The following ERICH6 variants were observed in gnomAD, a reference collection of about 807,000 sequenced individuals.
The protein encoded by ERICH6 is glutamate-rich protein 6.
ERICH6 carries 71 observed loss-of-function variants against 71.0 expected under a neutral mutation model. The ratio of observed to expected loss-of-function variants is 1.00; its 90% confidence interval spans 0.83 to 1.22. The LOEUF (loss-of-function observed/expected upper bound fraction) is 1.22. Ranked by LOEUF, ERICH6 falls within the 50% of genes most tolerant of loss-of-function variation. The pLI, the probability that ERICH6 is intolerant of heterozygous loss-of-function variation, is 0.00. For synonymous variants in ERICH6, 262 were observed against 278.4 expected, an observed-to-expected ratio of 0.94 and a Z score of 0.59; for missense variants, 808 against 797.2, an observed-to-expected ratio of 1.01 and a Z score of -0.16.
chr3:150,682,195 A>C, intron 7 of ERICH6, 23 bp downstream of exon 7: 1 of 1,567,686 alleles, frequency 6.4e-7, no homozygotes, highest in Non-Finnish European at 8.8e-7. Flanking sequence ...CTATTTCCAC[A>C]GTAAACCTGA....
chr3:150,680,701 G>A (rs1711874649), intron 8 of ERICH6, 72 bp downstream of exon 8: 2 of 1,556,248 alleles, frequency 1.3e-6, no homozygotes, highest in African/African-American at 1.4e-5. Flanking sequence ...TTGAAAAAAT[G>A]AGGTTCATTT....
chr3:150,676,346 C>A (rs988666673), intron 10 of ERICH6, among the ~76,000 whole-genome samples: 2 of 151,660 alleles, frequency 1.3e-5, no homozygotes, highest in Non-Finnish European at 2.9e-5. Flanking sequence ...TTATAGTTTT[C>A]TGTTCCCTTC....
chr3:150,662,800 G>A (rs893925964), intron 13 of ERICH6, among the ~76,000 whole-genome samples: 1 of 152,160 alleles, frequency 6.6e-6, no homozygotes, highest in Non-Finnish European at 1.5e-5. Flanking sequence ...GGTTTTGATG[G>A]GTTGCTCAGA....
At chr3:150,692,803 GT>G (rs1712504701) in intron 3 of ERICH6, among the ~76,000 whole-genome samples, 1 of 152,022 alleles carries the variant, frequency 6.6e-6, no homozygotes, top group Non-Finnish European at 1.5e-5. Context: ...TTGTTATCTT[GT>G]TTTGGTGCAC....
intron 12 of ERICH6, among the ~76,000 whole-genome samples, chr3:150,669,045 A>G (rs1167280683): frequency 6.6e-6 from 1 of 152,192 alleles, no homozygotes. Flanking sequence ...TTGTAATTAT[A>G]TAGTTCATAT....
At position 150,703,803 on chromosome 3, in the gene ERICH6, T is replaced by TTCCTCCTCCTCCTCC; in HGVS notation, c.81_95dup (p.Glu29_Glu33dup). The TTCCTCCTCCTCCTCC allele has an allele frequency of 6.3e-7, 1 of 1,594,514 alleles. No homozygotes were observed. The highest frequency in any genetic ancestry group is 2.3e-5 in the East Asian group (1 of 44,250). On this transcript the variant is annotated inframe_insertion, in exon 1 of 14. Coordinates refer to ENST00000295910, the MANE Select transcript of ERICH6 (RefSeq NM_152394.5). ...CCTCTTCCTCCTCCTCCTCCACCTC[T>TTCCTCCTCCTCCTCC]TCCTCCTCCTCCTCCTCCTCTAACT...
rs1207237105 is a variant in ERICH6, at chr3:150,703,907, G to A, written c.-9C>T. ...GAGCGCAAGTGGGCCATGGCTGGCG[G>A]GAGGCGGGATTACAGCCAGCTCTTT... On this transcript the variant is annotated 5_prime_UTR_variant, in exon 1 of 14. Transcript: ENST00000295910. 6.2e-7 allele frequency: 1 copy of A among 1,612,910 alleles called. No homozygotes were observed. The highest frequency in any genetic ancestry group is 1.1e-5 in the South Asian group (1 of 90,892).
At chr3:150,663,293 A>G (rs1290212440) in intron 13 of ERICH6, among the ~76,000 whole-genome samples, 1 of 152,188 alleles carries the variant, frequency 6.6e-6, no homozygotes, top group East Asian at 1.9e-4. Flanking sequence ...TTTTGGAGGT[A>G]GAGTTTACAG....
chr3:150,686,183 C>T (rs1306905823), intron 4 of ERICH6, 115 bp downstream of exon 4: 1 of 1,312,156 alleles, frequency 7.6e-7, no homozygotes, highest in African/African-American at 1.5e-5. Context: ...CTTCTCACAC[C>T]TGTTCTTAGG....
At chr3:150,685,379 T>C (rs1204900539) in intron 6 of ERICH6, among the ~76,000 whole-genome samples, 1 of 152,068 alleles carries the variant, frequency 6.6e-6, no homozygotes, top group Non-Finnish European at 1.5e-5. Flanking sequence ...GAGGCAGAGA[T>C]TGGAGTGATG....
chr3:150,695,436 G>C (rs1209230539), intron 3 of ERICH6, among the ~76,000 whole-genome samples: 2 of 151,986 alleles, frequency 1.3e-5, no homozygotes, highest in Non-Finnish European at 2.9e-5. Flanking sequence ...CAGATCATGA[G>C]GTCAGGAAAG....
intron 10 of ERICH6, among the ~76,000 whole-genome samples, chr3:150,677,521 G>A (rs1258514781): frequency 1.3e-5 from 2 of 151,060 alleles, no homozygotes; most frequent in African/African-American, 4.9e-5. Flanking sequence ...TTTTGAGACA[G>A]AGTTTTGCTC....
At chr3:150,676,272 A>G (rs1018165861) in intron 10 of ERICH6, among the ~76,000 whole-genome samples, 3 of 151,852 alleles carry the variant, frequency 2.0e-5, no homozygotes, top group Admixed American at 1.3e-4. Context: ...TTTTCATTTC[A>G]GCTGTTGCAG....
intron 3 of ERICH6, among the ~76,000 whole-genome samples, chr3:150,691,621 G>A (rs1290710069): frequency 6.6e-6 from 1 of 152,084 alleles, no homozygotes; most frequent in East Asian, 1.9e-4. Context: ...AATGGTCTGT[G>A]TAAGTCACAA....
intron 3 of ERICH6, among the ~76,000 whole-genome samples, chr3:150,697,962 G>A (rs775484767): frequency 6.6e-6 from 1 of 152,002 alleles, no homozygotes; most frequent in Non-Finnish European, 1.5e-5. Flanking sequence ...CCCTTGCCTG[G>A]AACACCTTTC....
chr3:150,700,572 TTTATTA>T (rs567152722), intron 2 of ERICH6, among the ~76,000 whole-genome samples: 1 of 151,582 alleles, frequency 6.6e-6, no homozygotes, highest in Admixed American at 6.6e-5. Context: ...AAAAGTTTAT[TTTATTA>T]TTATTATTTT....
rs899602816 is a variant in ERICH6 at position 150,682,771 on chromosome 3, T to C, written c.784-455A>G. ...TGCCAAGTAAGAAAAAGCCTTGACA[T>C]TACTGTGTAGGCCAACATGTACAAT... On this transcript the variant is annotated intron_variant, in intron 6 of 13. Coordinates refer to ENST00000295910, the MANE Select transcript of ERICH6 (RefSeq NM_152394.5). 2.0e-5 allele frequency among the ~76,000 whole-genome samples: 3 copies of C among 152,212 alleles called. No homozygotes were observed. In the East Asian group the frequency reaches 5.8e-4, roughly 29 times the overall value.
rs886565237 is a variant in ERICH6, at chr3:150,690,782, A to C, written c.554-4428T>G. Among the ~76,000 whole-genome samples the C allele has an allele frequency of 4.6e-5, 7 of 152,240 alleles. No homozygotes were observed. In the South Asian group the frequency reaches 1.4e-3, roughly 31 times the overall value. The stretch of plus-strand genomic sequence containing the variant: ...ATATGATAAGATGTCAAAATTTGAC[A>C]TAGGGGTTACAAAACTATAAACCCA... On this transcript the variant is annotated intron_variant, in intron 3 of 13. Coordinates refer to ENST00000295910, the MANE Select transcript of ERICH6 (RefSeq NM_152394.5).
chr3:150,680,311 T>TC (rs1464446985), intron 9 of ERICH6, among the ~76,000 whole-genome samples, 157 bp downstream of exon 9: 1 of 151,916 alleles, frequency 6.6e-6, no homozygotes, highest in Non-Finnish European at 1.5e-5. Context: ...CAAGCGATTC[T>TC]CCCACCTTGG....
Sources: gnomAD v4.1 joint callset for allele counts (sites outside exome capture counted in the v4.1 genomes callset) on GRCh38, gnomAD v4.1.1 for gene constraint, MANE v1.5 for transcripts, NCBI Gene and HGNC (gene_info 2026-07-23, HGNC 2026-07-21) for gene names.